The following LRRK1 variants were observed in gnomAD, a reference collection of about 807,000 sequenced individuals.
LRRK1 encodes leucine-rich repeat serine/threonine-protein kinase 1.
Under a neutral mutation model 209.1 loss-of-function variants are expected in LRRK1, and 113 were observed. The ratio of observed to expected loss-of-function variants is 0.54; its 90% confidence interval spans 0.46 to 0.63. The LOEUF is 0.63. Among genes scored for constraint, LRRK1 ranks in the 30% least tolerant of loss-of-function variants. The pLI, the probability that LRRK1 is intolerant of heterozygous loss-of-function variation, is 0.00. For synonymous variants in LRRK1, 1,144 were observed against 1,099.7 expected (o/e 1.04, Z -0.80); for missense variants, 2,284 against 2,632.2 (o/e 0.87, Z 2.89).
intron 2 of LRRK1, among the ~76,000 whole-genome samples, chr15:100,938,569 C>G (rs1188262925): frequency 6.6e-6 from 1 of 151,996 alleles, no homozygotes; most frequent in Non-Finnish European, 1.5e-5. Flanking sequence ...GCCATCCTCC[C>G]TCCTTCCCCC....
At chr15:100,988,239 G>A (rs530162018) in intron 4 of LRRK1, among the ~76,000 whole-genome samples, 20 of 151,970 alleles carry the variant, frequency 1.3e-4, no homozygotes, top group South Asian at 2.1e-4. Flanking sequence ...AGATTATTTC[G>A]TCACCTGGGT....
chr15:101,024,038 C>A lies in LRRK1; in HGVS notation c.2068-765C>A, dbSNP rs1483717775. Among the ~76,000 whole-genome samples the A allele has an allele frequency of 6.6e-6, 1 of 152,144 alleles. No homozygotes were observed. Among genetic ancestry groups the A allele is most frequent in the Non-Finnish European group, 1.5e-5 (1 of 68,016 alleles). ...GTGCTTCTATTTTTCCTGACCTTCA[C>A]CCCCACTTCCTTTCTGCGATGATTA... On this transcript the variant is annotated intron_variant, in intron 15 of 33. Transcript: ENST00000388948. This position sits in a 1 kb window ranked among gnomAD's most constrained non-coding sequence, Gnocchi z 4.6.
Position 101,056,999 on chromosome 15 carries a change from C to T in LRRK1, c.4476C>T (p.Phe1492=), listed in dbSNP as rs1258794612. Residue 1492 remains phenylalanine, a synonymous_variant, in exon 28 of 34, where the codon TTC becomes TTT. Coordinates refer to ENST00000388948, the MANE Select transcript of LRRK1 (RefSeq NM_024652.6). ...PVLGQPEEVQ[F]RRLQALMMEC... ...TGGGGCAGCCGGAGGAAGTGCAGTT[C>T]CGGCGACTGCAGGCGCTCATGATGG... 1 of 1,613,800 alleles carries T rather than the reference C, an allele frequency of 6.2e-7. No homozygotes were observed. Among genetic ancestry groups the T allele is most frequent in the Admixed American group, 1.7e-5 (1 of 59,962 alleles).
chr15:100,999,501 T>G (rs1357192974), intron 6 of LRRK1, among the ~76,000 whole-genome samples: 1 of 152,220 alleles, frequency 6.6e-6, no homozygotes, highest in Non-Finnish European at 1.5e-5. Context: ...TTGTAGCTGA[T>G]TAAATATTTT....
chr15:100,983,292 G>A (rs896272638), intron 3 of LRRK1, among the ~76,000 whole-genome samples: 1 of 152,182 alleles, frequency 6.6e-6, no homozygotes, highest in African/African-American at 2.4e-5. Context: ...TTATTGATGA[G>A]CTAGCTTACC....
rs867186599 is a variant in LRRK1, at chr15:101,021,133, C to A, written c.1690C>A (p.Pro564Thr). 27 of 1,613,972 alleles carry A rather than the reference C, an allele frequency of 1.7e-5. No homozygotes were observed. The African/African-American group carries it at 2.3e-4, about 14-fold the overall frequency. Residue 564 changes from proline to threonine, a missense_variant, in exon 13 of 34, where the codon CCT becomes ACT. Pro to Thr is a conservative substitution (Grantham distance 38). This residue lies in a region of LRRK1 where 494 missense variants were observed against 522.1 expected (regional missense o/e 0.95). Transcript: ENST00000388948. Reference sequence around the variant, plus strand: ...GAACGACAACCACCTCGACACAGTCCCTCCCTCGGTTTGCCTACTGAAGAG... The same window carrying A: ...GAACGACAACCACCTCGACACAGTCACTCCCTCGGTTTGCCTACTGAAGAG... Reference protein sequence around the residue: ...CLNDNHLDTVPPSVCLLKSLS... With the variant: ...CLNDNHLDTVTPSVCLLKSLS...
intron 2 of LRRK1, among the ~76,000 whole-genome samples, chr15:100,928,990 G>A (rs1567183654): frequency 6.6e-6 from 1 of 152,206 alleles, no homozygotes; most frequent in Non-Finnish European, 1.5e-5. Flanking sequence ...AGCTTTGATG[G>A]GCGTAGAGTT....
chr15:101,011,327 T>A (rs76516481), intron 9 of LRRK1, among the ~76,000 whole-genome samples: 3 of 141,664 alleles, frequency 2.1e-5, no homozygotes, highest in East Asian at 2.3e-4. Context: ...AAAAAAAAAA[T>A]AAGCTGGGCG....
At chr15:101,021,359 C>T (rs1182660849) in intron 13 of LRRK1, among the ~76,000 whole-genome samples, 177 bp downstream of exon 13, 1 of 152,080 alleles carries the variant, frequency 6.6e-6, no homozygotes, top group Non-Finnish European at 1.5e-5. Flanking sequence ...GAGAGGAAGA[C>T]GGAGTAGCAA....
chr15:100,947,689 C>T (rs927963192), intron 2 of LRRK1, among the ~76,000 whole-genome samples: 2 of 152,130 alleles, frequency 1.3e-5, no homozygotes, highest in East Asian at 1.9e-4. Flanking sequence ...GTCAGCATTG[C>T]AGAGACTAAG....
intron 20 of LRRK1, 114 bp from the exon 21 acceptor site, chr15:101,045,867 C>A: frequency 1.2e-6 from 1 of 825,906 alleles, no homozygotes; most frequent in Non-Finnish European, 2.0e-6. Flanking sequence ...AGGAACCCAG[C>A]AGCCTGAGGT....
In LRRK1 at chr15:101,006,733, G is replaced by A. The variant is rs184386196; in HGVS notation, c.763-2104G>A. 1.3e-3 allele frequency among the ~76,000 whole-genome samples: 191 copies of A among 152,338 alleles called. 3 individuals are homozygous for A. The highest frequency in any genetic ancestry group is 9.1e-3 in the Admixed American group (139 of 15,302). On this transcript the variant is annotated intron_variant, in intron 6 of 33. Transcript: ENST00000388948. Reference sequence around the variant, plus strand: ...AATGATTCATCAAAACATAAAAAGCGTGTGTATTTGTGTGGAGAAAGAGGG... The same window carrying A: ...AATGATTCATCAAAACATAAAAAGCATGTGTATTTGTGTGGAGAAAGAGGG...
At chr15:100,968,376 G>A (rs941122613) in intron 2 of LRRK1, among the ~76,000 whole-genome samples, 5 of 152,012 alleles carry the variant, frequency 3.3e-5, no homozygotes, top group Admixed American at 1.3e-4. Flanking sequence ...TGGGTCACAG[G>A]GTAGGTATAC....
intron 2 of LRRK1, among the ~76,000 whole-genome samples, chr15:100,929,171 G>A (rs2042165549): frequency 6.6e-6 from 1 of 152,214 alleles, no homozygotes; most frequent in Non-Finnish European, 1.5e-5. Context: ...AAGTAGAGAA[G>A]TCAGGAAACT....
In LRRK1 at chr15:101,066,160, A is replaced by G; in HGVS notation, c.5723A>G (p.Gln1908Arg). 1 of 1,613,450 alleles carries G rather than the reference A, an allele frequency of 6.2e-7. No homozygotes were observed. Among genetic ancestry groups the G allele is most frequent in the South Asian group, 1.1e-5 (1 of 91,068 alleles). ...GGGGAGACCTTCAGCCAGCACCTGC[A>G]GGCCGTGAAGATCCTCGCCGTCAGA... Reference protein sequence around the residue: ...MDGETFSQHLQAVKILAVRDL... With the variant: ...MDGETFSQHLRAVKILAVRDL... Residue 1908 changes from glutamine to arginine, a missense_variant, in exon 32 of 34, where the codon CAG (glutamine) becomes CGG (arginine). Around this residue, in one of 6 missense-constraint regions of LRRK1, gnomAD observed 643 missense variants for 695.9 expected, o/e 0.92. Transcript: ENST00000388948.
intron 4 of LRRK1, 190 bp from the exon 5 acceptor site, chr15:100,988,444 C>T (rs911938875): frequency 7.8e-6 from 5 of 641,988 alleles, no homozygotes; most frequent in South Asian, 1.8e-5. Flanking sequence ...TAATGACCTC[C>T]AGCTCCATCC....
At chr15:100,979,145 TATC>T (rs2031464205) in intron 3 of LRRK1, among the ~76,000 whole-genome samples, 1 of 152,178 alleles carries the variant, frequency 6.6e-6, no homozygotes. Context: ...AAAGTTACCT[TATC>T]ATATCAATTG....
At chr15:101,051,218 C>T (rs1029124410) in intron 23 of LRRK1, among the ~76,000 whole-genome samples, 10 of 152,244 alleles carry the variant, frequency 6.6e-5, no homozygotes, top group South Asian at 6.2e-4. Context: ...CTCTCAGAGG[C>T]GTGGGGGAAT....
chr15:101,000,513 C>T (rs55785108), intron 6 of LRRK1, among the ~76,000 whole-genome samples: 6 of 152,068 alleles, frequency 3.9e-5, no homozygotes, highest in Admixed American at 2.0e-4. Flanking sequence ...TATTCTCTCA[C>T]GGTCCTGGAG....
Sources: allele counts gnomAD v4.1 joint callset (sites outside exome capture counted in the v4.1 genomes callset), GRCh38; gene constraint gnomAD v4.1.1; regional missense constraint gnomAD v4.1.1; non-coding constraint Gnocchi (gnomAD v3.1); transcripts MANE v1.5; gene names NCBI Gene and HGNC (gene_info 2026-07-23, HGNC 2026-07-21).